TRHDE: variants seen among roughly 807,000 people sequenced by gnomAD.
TRHDE encodes the protein thyrotropin-releasing hormone-degrading ectoenzyme.
A neutral mutation model predicts 125.7 loss-of-function variants in TRHDE; 72 were observed. The observed-to-expected ratio is 0.57, with a 90% confidence interval of 0.47 to 0.70. The LOEUF (loss-of-function observed/expected upper bound fraction) is 0.70. Ranked by LOEUF, TRHDE falls within the 30% of genes least tolerant of loss-of-function variation. The pLI is 0.00. For synonymous variants in TRHDE, 509 were observed against 509.1 expected (o/e 1.00, Z 0.00); for missense variants, 1,110 against 1,327.1 (o/e 0.84, Z 2.54).
At chr12:72,520,007 T>G (rs917300681) in intron 6 of TRHDE, among the ~76,000 whole-genome samples, 1 of 152,192 alleles carries the variant, frequency 6.6e-6, no homozygotes, top group African/African-American at 2.4e-5. Flanking sequence ...TTCTCAGATG[T>G]CCAGCTGTGT....
At chr12:72,130,909 G>C (rs1377885686) in intron 2 of TRHDE, among the ~76,000 whole-genome samples, 1 of 152,090 alleles carries the variant, frequency 6.6e-6, no homozygotes, top group Non-Finnish European at 1.5e-5. Flanking sequence ...TGTACTCCTG[G>C]TGGATTGTAA....
chr12:72,344,719 G>A (rs986829652), intron 2 of TRHDE, among the ~76,000 whole-genome samples: 2 of 152,028 alleles, frequency 1.3e-5, no homozygotes, highest in Non-Finnish European at 2.9e-5. Context: ...CCTAATACAT[G>A]CAGAAGTGGA....
chr12:72,611,753 T>G (rs1872641606), intron 12 of TRHDE, among the ~76,000 whole-genome samples: 1 of 152,190 alleles, frequency 6.6e-6, no homozygotes, highest in Non-Finnish European at 1.5e-5. Context: ...TTCTTTCACT[T>G]TAACTTCTTA....
intron 12 of TRHDE, among the ~76,000 whole-genome samples, chr12:72,598,373 A>G (rs773523870): frequency 2.0e-5 from 3 of 152,154 alleles, no homozygotes; most frequent in African/African-American, 4.8e-5. Flanking sequence ...TGAAATGCCA[A>G]TTTTTTGCAT....
chr12:72,104,212 G>T (rs1301461887), intron 1 of TRHDE, among the ~76,000 whole-genome samples: 1 of 152,096 alleles, frequency 6.6e-6, no homozygotes, highest in African/African-American at 2.4e-5. Context: ...ACTGGGCCTG[G>T]TCCATAGCAT....
chr12:72,454,436 A>C (rs1875738555), intron 3 of TRHDE, among the ~76,000 whole-genome samples: 1 of 152,182 alleles, frequency 6.6e-6, no homozygotes, highest in Admixed American at 6.5e-5. Context: ...AAAGTGAACT[A>C]ATGAGAAAGG....
At chr12:72,169,692 AAAT>A (rs1169034432) in intron 2 of TRHDE, among the ~76,000 whole-genome samples, 2 of 151,686 alleles carry the variant, frequency 1.3e-5, no homozygotes, top group African/African-American at 4.8e-5. Flanking sequence ...CTGTCTCTAT[AAAT>A]AATAATAATA....
chr12:72,149,208 T>G (rs926968205), intron 2 of TRHDE, among the ~76,000 whole-genome samples: 3 of 152,170 alleles, frequency 2.0e-5, no homozygotes, highest in African/African-American at 7.2e-5. Context: ...CAAACTGTAA[T>G]TTGGAGTTCA....
intron 15 of TRHDE, among the ~76,000 whole-genome samples, chr12:72,651,846 G>A (rs1189116256): frequency 1.3e-5 from 2 of 151,872 alleles, no homozygotes; most frequent in Non-Finnish European, 2.9e-5. Flanking sequence ...AATTTGGAGA[G>A]TTGCTTGAGA....
intron 6 of TRHDE, among the ~76,000 whole-genome samples, chr12:72,533,234 G>A (rs966322330): frequency 4.6e-5 from 7 of 152,148 alleles, no homozygotes; most frequent in Admixed American, 4.6e-4. Flanking sequence ...GAACGCAGTG[G>A]CGTGATCTCA....
chr12:72,448,208 C>T (rs1368771704), intron 3 of TRHDE, among the ~76,000 whole-genome samples: 1 of 152,066 alleles, frequency 6.6e-6, no homozygotes, highest in Admixed American at 6.6e-5. Context: ...CACTGCACAA[C>T]TCTAGAAGGC....
intron 6 of TRHDE, among the ~76,000 whole-genome samples, chr12:72,538,198 T>A (rs1868963297): frequency 6.6e-6 from 1 of 151,996 alleles, no homozygotes; most frequent in South Asian, 2.1e-4. Flanking sequence ...TTTTCTTCCT[T>A]CTGTTTTCAC....
rs369045966 is a variant in TRHDE at position 72,369,867 on chromosome 12, G to T, written c.1189-8128G>T. 2.6e-5 allele frequency among the ~76,000 whole-genome samples: 4 copies of T among 152,204 alleles called. No individual in the cohort carries two copies. In the East Asian group the frequency reaches 5.8e-4, roughly 22 times the overall value. On this transcript the variant is annotated intron_variant, in intron 2 of 18. Transcript: ENST00000261180. ...CTCTTATCATGGAATGTCAGAAAAC[G>T]CTGCAAATAAGCAGGTGTAATAAAA...
chr12:72,283,662 C>T (rs1400388534), intron 1 of TRHDE, among the ~76,000 whole-genome samples: 1 of 152,062 alleles, frequency 6.6e-6, no homozygotes, highest in Non-Finnish European at 1.5e-5. Flanking sequence ...AAAGAGATTG[C>T]ACTATGTTTT....
intron 2 of TRHDE, among the ~76,000 whole-genome samples, chr12:72,218,442 G>GT (rs1292552640): frequency 6.6e-6 from 1 of 151,856 alleles, no homozygotes; most frequent in Admixed American, 6.6e-5. Flanking sequence ...TCATGATGCT[G>GT]TTTTTTTTCT....
chr12:72,566,552 T>C (rs1391170246), intron 9 of TRHDE, among the ~76,000 whole-genome samples: 1 of 151,894 alleles, frequency 6.6e-6, no homozygotes, highest in African/African-American at 2.4e-5. Context: ...AACCCAAATA[T>C]AGAAACAAAC....
At chr12:72,429,527 GT>G (rs1874351885) in intron 3 of TRHDE, among the ~76,000 whole-genome samples, 1 of 151,808 alleles carries the variant, frequency 6.6e-6, no homozygotes, top group African/African-American at 2.4e-5. Flanking sequence ...TATTTTCATT[GT>G]TTTTGGGTCT....
intron 2 of TRHDE, among the ~76,000 whole-genome samples, chr12:72,109,438 A>T (rs1363295129): frequency 1.3e-5 from 2 of 152,072 alleles, no homozygotes; most frequent in Non-Finnish European, 2.9e-5. Context: ...CCTGACTAAA[A>T]ATATATATGC....
intron 2 of TRHDE, among the ~76,000 whole-genome samples, chr12:72,185,942 G>C (rs1478520474): frequency 6.6e-6 from 1 of 152,148 alleles, no homozygotes; most frequent in Non-Finnish European, 1.5e-5. Context: ...AATCTGATGG[G>C]GACGTGGAGA....
Sources: gnomAD v4.1 joint callset for allele counts (sites outside exome capture counted in the v4.1 genomes callset) on GRCh38, gnomAD v4.1.1 for gene constraint, MANE v1.5 for transcripts, NCBI Gene and HGNC (gene_info 2026-07-23, HGNC 2026-07-21) for gene names.